Variants in SPATA13 observed in about 807,000 individuals in gnomAD.
The protein encoded by SPATA13 is spermatogenesis-associated protein 13.
SPATA13 carries 50 observed loss-of-function variants against 104.0 expected under a neutral mutation model. The observed-to-expected ratio is 0.48, with a 90% CI of 0.38 to 0.61. The LOEUF (loss-of-function observed/expected upper bound fraction) is 0.61, where lower values mean the gene tolerates loss of function less well. Ranked by LOEUF, SPATA13 falls within the 20% of genes least tolerant of loss-of-function variation. The probability of loss-of-function intolerance (pLI) is 0.00; values close to 1 mark genes in which losing one functional copy is unlikely to be tolerated. For missense variants in SPATA13, 1,524 were observed against 1,690.6 expected (o/e 0.90, Z 1.73); for synonymous variants, 606 against 667.5 (o/e 0.91, Z 1.42).
At chr13:24,288,610 G>C (rs531848203) in intron 7 of SPATA13, among the ~76,000 whole-genome samples, 3 of 152,304 alleles carry the variant, frequency 2.0e-5, no homozygotes, top group Admixed American at 2.0e-4. Context: ...AGCTGCATGG[G>C]CTATTCAGCA....
At chr13:24,123,814 T>C (rs1238767739) in intron 3 of SPATA13, 6 of 921,214 alleles carry the variant, frequency 6.5e-6, no homozygotes, top group South Asian at 1.4e-5. Context: ...CCTTGATTAA[T>C]AAAAATTACA....
chr13:24,243,297 GC>G (rs1448878946), intron 2 of SPATA13, among the ~76,000 whole-genome samples: 2 of 151,934 alleles, frequency 1.3e-5, no homozygotes, highest in Non-Finnish European at 2.9e-5. Flanking sequence ...TTTCTTTTAT[GC>G]ATGTGAACAT....
intron 2 of SPATA13, among the ~76,000 whole-genome samples, chr13:24,236,537 A>C (rs1026957651): frequency 1.3e-5 from 2 of 150,584 alleles, no homozygotes; most frequent in African/African-American, 4.9e-5. Flanking sequence ...CGGAGGTTGC[A>C]GTGAGCCAAT....
chr13:24,025,549 T>C (rs1877172208), intron 3 of SPATA13, among the ~76,000 whole-genome samples: 1 of 152,210 alleles, frequency 6.6e-6, no homozygotes, highest in East Asian at 1.9e-4. Flanking sequence ...CAAACGCTTC[T>C]CCAAAGTAGT....
chr13:24,247,242 G>A (rs958794660), intron 2 of SPATA13, among the ~76,000 whole-genome samples: 2 of 152,182 alleles, frequency 1.3e-5, no homozygotes, highest in African/African-American at 4.8e-5. Context: ...CAAAGGGGAA[G>A]TTGCTGGAAC....
intron 3 of SPATA13, among the ~76,000 whole-genome samples, chr13:24,089,421 G>C (rs1879844553): frequency 2.6e-5 from 4 of 152,180 alleles, no homozygotes; most frequent in Admixed American, 2.0e-4. Flanking sequence ...GACCAGAGGG[G>C]CACAAGATTG....
At chr13:24,220,536 A>C (rs1871520891) in intron 1 of SPATA13, among the ~76,000 whole-genome samples, 1 of 152,242 alleles carries the variant, frequency 6.6e-6, no homozygotes, top group Admixed American at 6.5e-5. Flanking sequence ...AGGTGATATC[A>C]AATGTTGAAC....
chr13:24,224,358 C>G lies in SPATA13; in HGVS notation c.1429C>G (p.Pro477Ala), dbSNP rs953269969. Residue 477 changes from proline to alanine, a missense_variant, in exon 2 of 13, where the codon CCC (proline) becomes GCC (alanine). Coordinates refer to ENST00000382108, the MANE Select transcript of SPATA13 (RefSeq NM_001166271.3). ...TTPKPQSPQS[P>A]QSPGAGSASC... is the part of the protein sequence containing the mutation. ...ACCCAAGCCCCAGAGCCCTCAGAGC[C>G]CCCAGAGCCCCGGGGCAGGAAGTGC... 1 of 1,548,492 alleles carries G rather than the reference C, an allele frequency of 6.5e-7. No homozygotes were observed. The highest frequency in any genetic ancestry group is 1.4e-5 in the African/African-American group (1 of 73,002).
At chr13:24,178,450 T>C (rs1034039755) in intron 1 of SPATA13, among the ~76,000 whole-genome samples, 27 of 152,230 alleles carry the variant, frequency 1.8e-4, no homozygotes, top group Admixed American at 4.6e-4. Context: ...ATCACTTGTA[T>C]ACAGTTATTA....
chr13:24,068,412 A>G (rs1450078342), intron 3 of SPATA13, among the ~76,000 whole-genome samples: 2 of 152,072 alleles, frequency 1.3e-5, no homozygotes, highest in Admixed American at 1.3e-4. Flanking sequence ...TGTCTTTGCT[A>G]TTGTTAATTA....
chr13:24,115,480 G>A (rs1446720904), intron 3 of SPATA13, among the ~76,000 whole-genome samples: 1 of 152,268 alleles, frequency 6.6e-6, no homozygotes, highest in Non-Finnish European at 1.5e-5. Context: ...TGCAAACCGC[G>A]CATGCGAAGG....
At chr13:24,195,904 T>TAA (rs1870030885) in intron 1 of SPATA13, among the ~76,000 whole-genome samples, 1 of 152,210 alleles carries the variant, frequency 6.6e-6, no homozygotes, top group African/African-American at 2.4e-5. Context: ...TAGCAACCTC[T>TAA]GTAGGACTGG....
At position 24,287,046 on chromosome 13, in the gene SPATA13, C is replaced by G. The variant is rs868057879; in HGVS notation, c.2667+96C>G. 20 of 1,006,378 alleles carry G rather than the reference C, an allele frequency of 2.0e-5. No individual in the cohort carries two copies. In the Middle Eastern group the frequency reaches 2.4e-3, roughly 120 times the overall value. The allele number at this position is 1,006,378 out of a possible 1,614,324, so 62.3% of individuals were successfully genotyped here. On this transcript the variant is annotated intron_variant, in intron 7 of 12. Coordinates refer to ENST00000382108, the MANE Select transcript of SPATA13 (RefSeq NM_001166271.3). ...CCACCTCCACCCCCCGCCCCCCCAT[C>G]AGGCTCCCACATGTATGCTCATTTC...
Position 24,223,285 on chromosome 13 carries a change from C to T in SPATA13, c.356C>T (p.Ser119Phe). 1.3e-6 allele frequency: 2 copies of T among 1,551,640 alleles called. No homozygotes were observed. Among genetic ancestry groups the T allele is most frequent in the Non-Finnish European group, 1.7e-6 (2 of 1,147,008 alleles). The change falls in exon 2 of 13, where the codon TCC becomes TTC. Residue 119 changes from serine to phenylalanine, a missense_variant. By Grantham distance (155) the Ser-to-Phe change is radical. Around this residue, in one of 2 missense-constraint regions of SPATA13, gnomAD observed 1,089 missense variants for 1,135.9 expected, o/e 0.96. Coordinates refer to ENST00000382108, the MANE Select transcript of SPATA13 (RefSeq NM_001166271.3). ...RKMGSFKKLKSSVLKGIQSRE... is the reference protein window; with the variant it reads ...RKMGSFKKLKFSVLKGIQSRE... ...ATGGGATCCTTTAAGAAACTGAAGT[C>T]CTCAGTCCTGAAAGGAATTCAGAGC...
chr13:23,984,660 AGCTT>A (rs1875064295), intron 2 of SPATA13, among the ~76,000 whole-genome samples: 1 of 152,186 alleles, frequency 6.6e-6, no homozygotes, highest in Admixed American at 6.5e-5. Flanking sequence ...CACCTGGTGG[AGCTT>A]TTCCAAGGAA....
At chr13:24,103,568 A>G (rs1880335848) in intron 3 of SPATA13, among the ~76,000 whole-genome samples, 1 of 151,836 alleles carries the variant, frequency 6.6e-6, no homozygotes, top group Non-Finnish European at 1.5e-5. Flanking sequence ...AAGAAAATAC[A>G]TATGGTAAAA....
rs1478604534 is a variant in SPATA13 at position 24,303,321 on chromosome 13, C to T, written c.*548C>T. 5 of 328,648 alleles carry T rather than the reference C, an allele frequency of 1.5e-5. No individual in the cohort carries two copies. The highest frequency in any genetic ancestry group is 9.6e-5 in the South Asian group (4 of 41,524). 20.4% of individuals were successfully genotyped at this position (328,648 alleles called of 1,614,324 possible). On this transcript the variant is annotated 3_prime_UTR_variant, in exon 13 of 13. Coordinates refer to ENST00000382108, the MANE Select transcript of SPATA13 (RefSeq NM_001166271.3). Reference sequence around the variant, plus strand: ...TGCCGTGGGGCTGACCACGGTGTTCCCTGGCATCGTCTGTGTCCACACAGA... The same window carrying T: ...TGCCGTGGGGCTGACCACGGTGTTCTCTGGCATCGTCTGTGTCCACACAGA...
intron 1 of SPATA13, among the ~76,000 whole-genome samples, chr13:24,188,818 A>G (rs4769335): frequency 0.73 from 111,819 of 152,154 alleles, 45,672 homozygotes; most frequent in Non-Finnish European, 0.91. Context: ...TTCAAAGGAC[A>G]CAATGATTCT....
At chr13:24,232,316 A>G (rs1872321935) in intron 2 of SPATA13, among the ~76,000 whole-genome samples, 1 of 152,186 alleles carries the variant, frequency 6.6e-6, no homozygotes, top group Admixed American at 6.5e-5. Context: ...CCTATTTGAC[A>G]CCTCAAGGGA....
Sources: allele counts gnomAD v4.1 joint callset (sites outside exome capture counted in the v4.1 genomes callset), GRCh38; gene constraint gnomAD v4.1.1; regional missense constraint gnomAD v4.1.1; transcripts MANE v1.5; gene names NCBI Gene and HGNC (gene_info 2026-07-23, HGNC 2026-07-21).